The following MAST4 variants were observed in gnomAD, a reference collection of about 807,000 sequenced individuals.
The protein encoded by MAST4 is microtubule-associated serine/threonine-protein kinase 4.
A neutral mutation model predicts 162.7 loss-of-function variants in MAST4; 89 were observed. The ratio of observed to expected loss-of-function variants is 0.55; its 90% CI spans 0.46 to 0.65. The LOEUF is 0.65. Ranked by LOEUF, MAST4 falls within the 30% of genes least tolerant of loss-of-function variation. The probability of loss-of-function intolerance (pLI) is 0.00; values close to 1 mark genes in which losing one functional copy is unlikely to be tolerated. For synonymous variants in MAST4, 1,479 were observed against 1,361.1 expected, an observed-to-expected ratio of 1.09 and a Z score of -1.91; for missense variants, 3,153 against 3,374.0, an observed-to-expected ratio of 0.93 and a Z score of 1.62.
intron 1 of MAST4, among the ~76,000 whole-genome samples, chr5:66,720,381 CA>C (rs1157093600): frequency 9.9e-5 from 15 of 152,142 alleles, no homozygotes; most frequent in African/African-American, 3.4e-4. Flanking sequence ...AAATCATTGT[CA>C]GCATTGTCTA....
chr5:66,942,310 G>C (rs769695725), intron 4 of MAST4, among the ~76,000 whole-genome samples: 3 of 152,114 alleles, frequency 2.0e-5, no homozygotes, highest in Non-Finnish European at 4.4e-5. Flanking sequence ...TAAGCATATA[G>C]TTATTATGTT....
chr5:66,777,985 T>G (rs1754681844), intron 2 of MAST4, among the ~76,000 whole-genome samples: 1 of 152,198 alleles, frequency 6.6e-6, no homozygotes, highest in African/African-American at 2.4e-5. Context: ...GTCTAGCAAT[T>G]CATTCTACTG....
At position 66,916,854 on chromosome 5, in the gene MAST4, C is replaced by G; in HGVS notation, c.674+16872C>G. On this transcript the variant is annotated intron_variant, in intron 4 of 28. Coordinates refer to ENST00000403625, the MANE Select transcript of MAST4 (RefSeq NM_001164664.2). ...ATAGATATACCACATTTTATTTAAC[C>G]ATTTTCCTATTAACTGACATTCTTG... 8 of 594,442 alleles carry G rather than the reference C, an allele frequency of 1.3e-5. No homozygotes were observed. The South Asian group carries it at 1.9e-4, about 14-fold the overall frequency. The allele number at this position is 594,442 out of a possible 1,614,324, so 36.8% of individuals were successfully genotyped here. A position where few individuals can be genotyped will look rare whatever the true frequency, so the allele number is the denominator to read the frequency against.
Position 67,136,550 on chromosome 5 carries a change from T to C in MAST4, c.2393-13T>C, listed in dbSNP as rs759154002. ...TGAACAATATGGTTATAAACAACTT[T>C]TCTTCCTTCTAGATGAGATCAACTG... On this transcript the variant is annotated splice_polypyrimidine_tract_variant and intron_variant, in intron 18 of 28. Coordinates refer to ENST00000403625, the MANE Select transcript of MAST4 (RefSeq NM_001164664.2). 2 of 1,580,796 alleles carry C rather than the reference T, an allele frequency of 1.3e-6. No individual in the cohort carries two copies. Among genetic ancestry groups the C allele is most frequent in the Non-Finnish European group, 1.7e-6 (2 of 1,160,570 alleles).
intron 1 of MAST4, among the ~76,000 whole-genome samples, chr5:66,634,366 G>GT (rs5868458): frequency 0.38 from 57,719 of 151,966 alleles, 11,360 homozygotes; most frequent in East Asian, 0.57. Flanking sequence ...GCCATGGTTT[G>GT]TTTTTTCTTA....
At chr5:66,774,279 G>T (rs1245905703) in intron 2 of MAST4, among the ~76,000 whole-genome samples, 2 of 152,186 alleles carry the variant, frequency 1.3e-5, no homozygotes, top group East Asian at 1.9e-4. Context: ...CTTGGTCTTG[G>T]TTGCCAGGAA....
intron 4 of MAST4, among the ~76,000 whole-genome samples, chr5:66,952,649 C>T (rs140470677): frequency 6.6e-6 from 1 of 152,288 alleles, no homozygotes; most frequent in Non-Finnish European, 1.5e-5. Flanking sequence ...ATAATTCTCA[C>T]TAAAGATTTG....
At chr5:66,965,595 G>A (rs999652298) in intron 4 of MAST4, among the ~76,000 whole-genome samples, 1 of 122,356 alleles carries the variant, frequency 8.2e-6, no homozygotes, top group Non-Finnish European at 1.7e-5. Context: ...GGCGGGGGGG[G>A]GGGCGGTGAA....
chr5:66,952,733 CTT>C (rs1744853481), intron 4 of MAST4, among the ~76,000 whole-genome samples: 1 of 152,098 alleles, frequency 6.6e-6, no homozygotes, highest in South Asian at 2.1e-4. Flanking sequence ...CCGTCAGAGA[CTT>C]TACAATCGCT....
Position 67,164,472 on chromosome 5 carries a change from G to T in MAST4, c.5293G>T (p.Val1765Leu), listed in dbSNP as rs770406700. 4 of 1,614,058 alleles carry T rather than the reference G, an allele frequency of 2.5e-6. No individual in the cohort carries two copies. In the South Asian group the frequency reaches 4.4e-5, roughly 18 times the overall value. The change falls in exon 29 of 29, where the codon GTG becomes TTG. Residue 1765 changes from valine to leucine, a missense_variant. Val to Leu is a conservative substitution (Grantham distance 32). Around this residue, in one of 7 missense-constraint regions of MAST4, gnomAD observed 1,644 missense variants for 1,495.0 expected, o/e 1.10. Transcript: ENST00000403625. The surrounding 1 kb of genome is among the most constrained non-coding windows in gnomAD (Gnocchi z 5.3). Reference sequence around the variant, plus strand: ...TCCCCTCAAGGCCTTAACAGGCCGGGTGGACAGTGGAACGGAGAAGCCTGG... The same window carrying T: ...TCCCCTCAAGGCCTTAACAGGCCGGTTGGACAGTGGAACGGAGAAGCCTGG... ...FVPLKALTGR[V>L]DSGTEKPGLV...
intron 4 of MAST4, among the ~76,000 whole-genome samples, chr5:66,938,246 A>C (rs777310278): frequency 3.3e-5 from 5 of 152,170 alleles, no homozygotes; most frequent in South Asian, 2.1e-4. Context: ...CCTTATTAAG[A>C]TAAATCTAGA....
intron 2 of MAST4, among the ~76,000 whole-genome samples, chr5:66,774,285 A>G (rs10447109): frequency 0.24 from 36,231 of 152,224 alleles, 5,619 homozygotes; most frequent in Non-Finnish European, 0.35. Flanking sequence ...CTTGGTTGCC[A>G]GGAATCTCAA....
chr5:66,788,607 C>CCAAACAAA, intron 2 of MAST4, 63 bp from the exon 3 acceptor site: 1 of 1,373,720 alleles, frequency 7.3e-7, no homozygotes, highest in Non-Finnish European at 1.0e-6. Context: ...CCCCCACCCC[C>CCAAACAAA]ATTGCAATAA....
chr5:66,941,597 G>T (rs942175685), intron 4 of MAST4, among the ~76,000 whole-genome samples: 4 of 152,116 alleles, frequency 2.6e-5, no homozygotes, highest in African/African-American at 9.7e-5. Context: ...CAGCAAGAAG[G>T]CTGTTTCACT....
At chr5:66,664,568 G>A (rs1370495431) in intron 1 of MAST4, among the ~76,000 whole-genome samples, 1 of 149,476 alleles carries the variant, frequency 6.7e-6, no homozygotes, top group Non-Finnish European at 1.5e-5. Flanking sequence ...GAAGTTAAGG[G>A]GAAAAAGAGC....
intron 4 of MAST4, among the ~76,000 whole-genome samples, chr5:66,944,949 T>C (rs1743843025): frequency 1.3e-5 from 2 of 152,176 alleles, no homozygotes; most frequent in Admixed American, 1.3e-4. Context: ...GATTGACTGA[T>C]AGCCTCATTT....
In MAST4 at chr5:67,078,930, ATATATATATAT is replaced by A. The variant is rs1299954258; in HGVS notation, c.764-11231_764-11221del. On this transcript the variant is annotated intron_variant, in intron 5 of 28. Transcript: ENST00000403625. ...TATATAAATATATATATATATATAT[ATATATATATAT>A]ATATATATATGGCAATCTGATGTTA... 4.8e-5 allele frequency among the ~76,000 whole-genome samples: 3 copies of A among 63,134 alleles called. 1 individual carries two copies. The highest frequency in any genetic ancestry group is 2.5e-4 in the African/African-American group (3 of 11,980). 41.4% of individuals were successfully genotyped at this position (63,134 alleles called of 152,430 possible). A position where few individuals can be genotyped will look rare whatever the true frequency, so the allele number is the denominator to read the frequency against.
chr5:66,808,524 C>T (rs933122966), intron 3 of MAST4, among the ~76,000 whole-genome samples: 3 of 152,154 alleles, frequency 2.0e-5, no homozygotes, highest in Non-Finnish European at 4.4e-5. Flanking sequence ...GTATTGTGTG[C>T]GAATTTTAGG....
At chr5:66,924,204 T>C (rs1764725339) in intron 4 of MAST4, among the ~76,000 whole-genome samples, 1 of 152,168 alleles carries the variant, frequency 6.6e-6, no homozygotes, top group African/African-American at 2.4e-5. Context: ...CAGAAGAGTT[T>C]GTACATTTTG....
Sources: gnomAD v4.1 joint callset for allele counts (sites outside exome capture counted in the v4.1 genomes callset) on GRCh38, gnomAD v4.1.1 for gene constraint, gnomAD v4.1.1 regional missense constraint, Gnocchi (gnomAD v3.1) non-coding constraint, MANE v1.5 for transcripts, NCBI Gene and HGNC (gene_info 2026-07-23, HGNC 2026-07-21) for gene names.